GALNT7: variants seen among roughly 807,000 people sequenced by gnomAD.
The protein encoded by GALNT7 is polypeptide N-acetylgalactosaminyltransferase 7, also known as N-acetylgalactosaminyltransferase 7.
A neutral mutation model predicts 82.1 loss-of-function variants in GALNT7; 60 were observed. The observed-to-expected ratio is 0.73, with a 90% CI of 0.59 to 0.91. GALNT7 has a LOEUF of 0.91. GALNT7 is among the 40% of genes least tolerant of loss of function. GALNT7 has a pLI of 0.00. For synonymous variants in GALNT7, 243 were observed against 275.1 expected, an observed-to-expected ratio of 0.88 and a Z score of 1.15; for missense variants, 660 against 804.2, an observed-to-expected ratio of 0.82 and a Z score of 2.17.
Position 173,321,717 on chromosome 4 carries a change from G to C in GALNT7, c.1974G>C (p.Ter658TyrextTer19). 6.2e-7 allele frequency: 1 copy of C among 1,605,372 alleles called. No individual in the cohort carries two copies. Among genetic ancestry groups the C allele is most frequent in the Non-Finnish European group, 8.5e-7 (1 of 1,173,150 alleles). Reference protein sequence around the residue: ...KWEMNNIHSV* With the variant: ...KWEMNNIHSVY ...AAATGAATAACATCCATAGTGTTTA[G>C]AGAGAAAAAAATAAACCAATAACCT... The change falls in exon 12 of 12, where the codon TAG becomes TAC. Residue 658 changes from the stop codon to tyrosine (Y), a stop_lost. Transcript: ENST00000265000.
chr4:173,259,118 A>G (rs1037909890), intron 2 of GALNT7, among the ~76,000 whole-genome samples: 1 of 152,182 alleles, frequency 6.6e-6, no homozygotes, highest in African/African-American at 2.4e-5. Context: ...CTGGGGGGCA[A>G]AATCACCCCT....
chr4:173,241,210 A>T (rs1417153501), intron 1 of GALNT7, among the ~76,000 whole-genome samples: 5 of 79,054 alleles, frequency 6.3e-5, no homozygotes, highest in African/African-American at 1.9e-4. Flanking sequence ...ATCTCTATTT[A>T]AAAAAAAAAA....
At chr4:173,254,208 T>C (rs1388636473) in intron 2 of GALNT7, among the ~76,000 whole-genome samples, 1 of 152,200 alleles carries the variant, frequency 6.6e-6, no homozygotes, top group Non-Finnish European at 1.5e-5. Context: ...AGCTTGTCTA[T>C]GGGAAATATT....
At chr4:173,270,620 T>C (rs1735688208) in intron 2 of GALNT7, among the ~76,000 whole-genome samples, 1 of 152,220 alleles carries the variant, frequency 6.6e-6, no homozygotes, top group Admixed American at 6.5e-5. Flanking sequence ...GATATAATTT[T>C]TCCTCCACAT....
At chr4:173,275,859 G>A (rs946088394) in intron 2 of GALNT7, among the ~76,000 whole-genome samples, 2 of 152,178 alleles carry the variant, frequency 1.3e-5, no homozygotes, top group African/African-American at 4.8e-5. Context: ...TTTAGATTGA[G>A]CTGATTGGGA....
chr4:173,220,218 TGCCATTTA>T (rs1733600508), intron 1 of GALNT7, among the ~76,000 whole-genome samples: 1 of 152,146 alleles, frequency 6.6e-6, no homozygotes, highest in Admixed American at 6.5e-5. Context: ...ACATGTGATT[TGCCATTTA>T]GCACCATTTG....
intron 2 of GALNT7, among the ~76,000 whole-genome samples, chr4:173,285,798 G>A (rs1736298791): frequency 6.6e-6 from 1 of 152,126 alleles, no homozygotes; most frequent in Admixed American, 6.5e-5. Context: ...TAATAAACAA[G>A]CACAGCCAGA....
chr4:173,185,626 G>A (rs373213746), intron 1 of GALNT7, among the ~76,000 whole-genome samples: 1 of 152,068 alleles, frequency 6.6e-6, no homozygotes, highest in East Asian at 1.9e-4. Flanking sequence ...AAGCAAAAAG[G>A]ACTTACAGTT....
At chr4:173,205,157 G>A (rs1386886911) in intron 1 of GALNT7, among the ~76,000 whole-genome samples, 6 of 152,000 alleles carry the variant, frequency 3.9e-5, no homozygotes, top group Admixed American at 1.3e-4. Flanking sequence ...ATCTGTAAGG[G>A]TAGGTCTGGA....
chr4:173,305,843 C>T (rs921592784), intron 8 of GALNT7, among the ~76,000 whole-genome samples: 4 of 151,986 alleles, frequency 2.6e-5, no homozygotes, highest in Admixed American at 2.6e-4. Context: ...CCTCCAGCTT[C>T]GTTCTTTTTG....
In GALNT7 at chr4:173,298,124, C is replaced by A. The variant is rs1187840398; in HGVS notation, c.975C>A (p.Cys325Ter). Reference sequence around the variant, plus strand: ...CATCAACACAATACAGAACCATTTGCACTGTGCCGCTTATAGATGTCATAA... The same window carrying A: ...CATCAACACAATACAGAACCATTTGAACTGTGCCGCTTATAGATGTCATAA... ...VAPISKDRTI[C>*]TVPLIDVING... The change falls in exon 6 of 12, where the codon TGC (cysteine) becomes TGA (stop). Residue 325 changes from cysteine to a stop codon, truncating the protein, a stop_gained. Coordinates refer to ENST00000265000, the MANE Select transcript of GALNT7 (RefSeq NM_017423.3). LOFTEE classifies it high-confidence loss of function. 1 of 1,613,854 alleles carries A rather than the reference C, an allele frequency of 6.2e-7. No homozygotes were observed. The highest frequency in any genetic ancestry group is 2.2e-5 in the East Asian group (1 of 44,876).
intron 2 of GALNT7, among the ~76,000 whole-genome samples, chr4:173,250,732 C>T (rs1049552201): frequency 9.9e-5 from 15 of 152,178 alleles, no homozygotes; most frequent in Non-Finnish European, 2.1e-4. Flanking sequence ...AAACTCCTAA[C>T]GTGCAGCAGC....
At chr4:173,209,133 G>A (rs562452245) in intron 1 of GALNT7, among the ~76,000 whole-genome samples, 136 of 152,296 alleles carry the variant, frequency 8.9e-4, no homozygotes, top group Non-Finnish European at 1.3e-3. Flanking sequence ...TGTCTCTGAT[G>A]CACACTGGTG....
chr4:173,198,506 C>G (rs1465887259), intron 1 of GALNT7, among the ~76,000 whole-genome samples: 2 of 152,112 alleles, frequency 1.3e-5, no homozygotes, highest in Non-Finnish European at 2.9e-5. Flanking sequence ...ATTACAAATA[C>G]AAAAAATTCA....
chr4:173,265,012 C>A (rs1309863708), intron 2 of GALNT7, among the ~76,000 whole-genome samples: 1 of 152,218 alleles, frequency 6.6e-6, no homozygotes, highest in African/African-American at 2.4e-5. Flanking sequence ...GATCCCAGCA[C>A]TTTAGCAACT....
intron 1 of GALNT7, among the ~76,000 whole-genome samples, chr4:173,217,588 T>C (rs1306098859): frequency 3.3e-5 from 5 of 152,190 alleles, no homozygotes; most frequent in Non-Finnish European, 5.9e-5. Context: ...TTATTTAAAT[T>C]GGACTTAATA....
At chr4:173,241,818 A>G (rs1734444368) in intron 1 of GALNT7, among the ~76,000 whole-genome samples, 1 of 152,190 alleles carries the variant, frequency 6.6e-6, no homozygotes, top group African/African-American at 2.4e-5. Flanking sequence ...GGGGGGTGGC[A>G]TTTAATTGGC....
intron 7 of GALNT7, among the ~76,000 whole-genome samples, chr4:173,303,209 A>G (rs1325219918): frequency 1.3e-5 from 2 of 150,852 alleles, no homozygotes; most frequent in Non-Finnish European, 3.0e-5. Context: ...AAAAAAAAAG[A>G]AAGAGCGAGC....
intron 1 of GALNT7, among the ~76,000 whole-genome samples, chr4:173,244,328 C>T (rs13104529): frequency 0.42 from 63,622 of 152,070 alleles, 15,298 homozygotes; most frequent in East Asian, 0.71. Context: ...TTGCCAACCC[C>T]CTTGAGGAGT....
Sources: allele counts gnomAD v4.1 joint callset (sites outside exome capture counted in the v4.1 genomes callset), GRCh38; gene constraint gnomAD v4.1.1; transcripts MANE v1.5; gene names NCBI Gene and HGNC (gene_info 2026-07-23, HGNC 2026-07-21).